Variants in CRPPA observed in about 807,000 individuals in gnomAD.
CRPPA encodes D-ribitol-5-phosphate cytidylyltransferase.
A neutral mutation model predicts 52.0 loss-of-function variants in CRPPA; 43 were observed. The ratio of observed to expected loss-of-function variants is 0.83; its 90% CI spans 0.65 to 1.07. The LOEUF is 1.07. Ranked by LOEUF, CRPPA falls within the 50% of genes least tolerant of loss-of-function variation. CRPPA has a pLI of 0.00. For missense variants in CRPPA, 629 were observed against 551.7 expected (o/e 1.14, Z -1.40); for synonymous variants, 250 against 203.5 (o/e 1.23, Z -1.94).
At chr7:16,270,484 A>G (rs187393233) in intron 6 of CRPPA, 2 of 152,292 alleles carry the variant, frequency 1.3e-5, no homozygotes, top group Admixed American at 1.3e-4. Context: ...TTAATACAAC[A>G]TCAATATAAT....
intron 3 of CRPPA, among the ~76,000 whole-genome samples, chr7:16,365,773 A>G (rs1193959992): frequency 2.0e-5 from 3 of 152,194 alleles, no homozygotes; most frequent in African/African-American, 7.2e-5. Flanking sequence ...AGATTTGGCC[A>G]CAAAGTAATA....
intron 4 of CRPPA, among the ~76,000 whole-genome samples, chr7:16,302,001 C>A (rs772899396): frequency 1.3e-5 from 2 of 152,048 alleles, no homozygotes; most frequent in African/African-American, 4.8e-5. Flanking sequence ...CTATAGGGTA[C>A]CACTATGTGT....
intron 9 of CRPPA, among the ~76,000 whole-genome samples, chr7:16,214,719 C>G (rs1782257825): frequency 6.6e-6 from 1 of 152,138 alleles, no homozygotes; most frequent in Admixed American, 6.5e-5. Context: ...GTTGGCCAGG[C>G]TGGTCTTGAA....
At chr7:16,240,385 T>C (rs1300533687) in intron 8 of CRPPA, among the ~76,000 whole-genome samples, 3 of 151,910 alleles carry the variant, frequency 2.0e-5, no homozygotes, top group African/African-American at 7.3e-5. Context: ...TGTACAACTA[T>C]GAAAGAGAAA....
chr7:16,287,405 A>G (rs964944092), intron 5 of CRPPA, among the ~76,000 whole-genome samples: 1 of 152,310 alleles, frequency 6.6e-6, no homozygotes, highest in East Asian at 1.9e-4. Flanking sequence ...TTTGGAACAC[A>G]GTACCAAGAA....
At chr7:16,310,859 A>G (rs1467595018) in intron 3 of CRPPA, among the ~76,000 whole-genome samples, 1 of 152,126 alleles carries the variant, frequency 6.6e-6, no homozygotes, top group African/African-American at 2.4e-5. Context: ...AATACAACTT[A>G]GAACAAAGAA....
At chr7:16,300,504 A>C (rs1256992157) in intron 5 of CRPPA, among the ~76,000 whole-genome samples, 2 of 152,150 alleles carry the variant, frequency 1.3e-5, no homozygotes, top group African/African-American at 4.8e-5. Context: ...CTAGGAGTCC[A>C]TATTTTAAAA....
At chr7:16,326,526 T>C (rs1548571) in intron 3 of CRPPA, among the ~76,000 whole-genome samples, 1 of 151,912 alleles carries the variant, frequency 6.6e-6, no homozygotes, top group Non-Finnish European at 1.5e-5. Context: ...GCTAAAATTA[T>C]CTTAATTTGT....
chr7:16,215,373 C>A (rs1474569690), intron 9 of CRPPA, among the ~76,000 whole-genome samples: 1 of 152,128 alleles, frequency 6.6e-6, no homozygotes, highest in Admixed American at 6.5e-5. Flanking sequence ...AATTTTTAAC[C>A]CTAATTCTAT....
chr7:16,269,880 A>G (rs1168557133), intron 6 of CRPPA: 3 of 152,204 alleles, frequency 2.0e-5, no homozygotes, highest in African/African-American at 7.2e-5. Flanking sequence ...CTTTGCAAAC[A>G]TCATGTATCC....
intron 2 of CRPPA, among the ~76,000 whole-genome samples, chr7:16,397,605 G>A (rs1787637939): frequency 6.6e-6 from 1 of 152,058 alleles, no homozygotes; most frequent in South Asian, 2.1e-4. Flanking sequence ...ACTGACGTGT[G>A]ACACGTGACA....
intron 3 of CRPPA, among the ~76,000 whole-genome samples, chr7:16,313,794 A>C (rs10248789): frequency 0.99 from 150,911 of 152,126 alleles, 74,858 homozygotes; most frequent in Middle Eastern, 1. Context: ...TGTTTAGTCT[A>C]CAAGTATTTT....
chr7:16,225,179 A>G (rs1029374836), intron 8 of CRPPA, among the ~76,000 whole-genome samples: 2 of 152,190 alleles, frequency 1.3e-5, no homozygotes, highest in African/African-American at 4.8e-5. Context: ...CAAATGTTAC[A>G]TAAGTATACA....
chr7:16,366,214 T>C (rs938238246), intron 3 of CRPPA, among the ~76,000 whole-genome samples: 2 of 152,154 alleles, frequency 1.3e-5, no homozygotes, highest in African/African-American at 4.8e-5. Flanking sequence ...GCCGTCATGA[T>C]CTAATCACCT....
chr7:16,270,240 G>A (rs975767674), intron 6 of CRPPA: 6 of 151,988 alleles, frequency 3.9e-5, no homozygotes, highest in African/African-American at 9.7e-5. Context: ...ATTTCTAAGC[G>A]GACAAGATGC....
chr7:16,307,362 G>C (rs542931870), intron 4 of CRPPA, among the ~76,000 whole-genome samples: 1 of 152,020 alleles, frequency 6.6e-6, no homozygotes, highest in Non-Finnish European at 1.5e-5. Context: ...CCATTATCTT[G>C]TTTGCAATAA....
At chr7:16,200,343 G>T (rs964694646) in intron 9 of CRPPA, among the ~76,000 whole-genome samples, 3 of 152,280 alleles carry the variant, frequency 2.0e-5, no homozygotes, top group African/African-American at 7.2e-5. Context: ...ACCAGAAATT[G>T]GAAATGTTAG....
At chr7:16,267,381 G>A (rs1260611588) in intron 6 of CRPPA, among the ~76,000 whole-genome samples, 2 of 152,148 alleles carry the variant, frequency 1.3e-5, no homozygotes, top group African/African-American at 4.8e-5. Context: ...TAGATTTGGG[G>A]TAAAGCTAAG....
At chr7:16,355,527 T>G (rs1271426892) in intron 3 of CRPPA, among the ~76,000 whole-genome samples, 1 of 152,242 alleles carries the variant, frequency 6.6e-6, no homozygotes, top group African/African-American at 2.4e-5. Flanking sequence ...CGATGCTTTC[T>G]GGATAATCAT....
Sources: gnomAD v4.1 joint callset for allele counts (sites outside exome capture counted in the v4.1 genomes callset) on GRCh38, gnomAD v4.1.1 for gene constraint, MANE v1.5 for transcripts, NCBI Gene and HGNC (gene_info 2026-07-23, HGNC 2026-07-21) for gene names.